CUBN: variants seen among roughly 807,000 people sequenced by gnomAD.
The protein encoded by CUBN is 460 kDa receptor.
Under a neutral mutation model 405.3 loss-of-function variants are expected in CUBN, and 282 were observed. The ratio of observed to expected loss-of-function variants is 0.70; its 90% CI spans 0.63 to 0.77. The LOEUF (loss-of-function observed/expected upper bound fraction) is 0.77, where lower values mean the gene tolerates loss of function less well. Ranked by LOEUF, CUBN falls within the 30% of genes least tolerant of loss-of-function variation. The pLI is 0.00. For missense variants in CUBN, 4,514 were observed against 4,475.2 expected (o/e 1.01, Z -0.25); for synonymous variants, 1,684 against 1,617.0 (o/e 1.04, Z -0.99).
intron 28 of CUBN, among the ~76,000 whole-genome samples, chr10:17,007,926 CA>C (rs954774522): frequency 2.6e-4 from 40 of 152,258 alleles, no homozygotes; most frequent in Admixed American, 2.4e-3. Context: ...GAGGCCGAAG[CA>C]AGCAAATTGC....
Position 17,047,533 on chromosome 10 carries a change from G to C in CUBN, c.3210C>G (p.Asn1070Lys), listed in dbSNP as rs760913040. The C allele has an allele frequency of 6.2e-7, 1 of 1,613,858 alleles. No individual in the cohort carries two copies. The highest frequency in any genetic ancestry group is 8.5e-7 in the Non-Finnish European group (1 of 1,179,776). The change falls in exon 23 of 67, where the codon AAC becomes AAG. Residue 1070 changes from asparagine to lysine, a missense_variant. Asn to Lys is a moderately conservative substitution (Grantham distance 94). This residue lies in a region of CUBN where 1,448 missense variants were observed against 1,388.0 expected (regional missense o/e 1.04). Transcript: ENST00000377833. Reference sequence around the variant, plus strand: ...TGATCCGATAAATGCATTCCCAGTTGTTGGGATAATTATTGGGGAAGTTTG... The same window carrying C: ...TGATCCGATAAATGCATTCCCAGTTCTTGGGATAATTATTGGGGAAGTTTG... The part of the protein sequence containing the change: ...TSPNFPNNYP[N>K]NWECIYRITV...
At chr10:17,016,043 C>T (rs1374356790) in intron 28 of CUBN, among the ~76,000 whole-genome samples, 2 of 152,150 alleles carry the variant, frequency 1.3e-5, no homozygotes, top group African/African-American at 4.8e-5. Flanking sequence ...ACCCAGGGCT[C>T]GCTTCTGGAG....
chr10:17,028,968 G>C (rs1428365601), intron 27 of CUBN, among the ~76,000 whole-genome samples: 1 of 152,194 alleles, frequency 6.6e-6, no homozygotes, highest in African/African-American at 2.4e-5. Context: ...GATAGTGGAA[G>C]AGACCTTTCG....
intron 27 of CUBN, among the ~76,000 whole-genome samples, chr10:17,024,190 G>C (rs896900192): frequency 6.6e-6 from 1 of 152,136 alleles, no homozygotes; most frequent in Non-Finnish European, 1.5e-5. Flanking sequence ...CATAACAAAG[G>C]GGAGGATATA....
Position 16,888,519 on chromosome 10 carries a change from T to TTGGAGAAATGATGTAACC in CUBN, c.8785_8802dup (p.Gly2929_Pro2934dup). ...TTGTTGTCATATTGTTTTGGGTAAT[T>TTGGAGAAATGATGTAACC]TGGAGAAATGATGTAACCTGAAGGG... On this transcript the variant is annotated inframe_insertion, in exon 56 of 67. Coordinates refer to ENST00000377833, the MANE Select transcript of CUBN (RefSeq NM_001081.4). 6.2e-7 allele frequency: 1 copy of TTGGAGAAATGATGTAACC among 1,613,588 alleles called. No individual in the cohort carries two copies. Among genetic ancestry groups the TTGGAGAAATGATGTAACC allele is most frequent in the Non-Finnish European group, 8.5e-7 (1 of 1,179,602 alleles).
In CUBN at chr10:17,100,064, T is replaced by G; in HGVS notation, c.1706A>C (p.Tyr569Ser). ...TCTCCCATTTCTTAAATGTTCAGAATAGAGATGAAAATAGAGAGCATTGTC... is the reference window on the plus strand; with the variant it reads ...TCTCCCATTTCTTAAATGTTCAGAAGAGAGATGAAAATAGAGAGCATTGTC... ...SSDNALYFHL[Y>S]SEHLRNGRGF... Residue 569 changes from tyrosine to serine, a missense_variant, in exon 14 of 67, where the codon TAT becomes TCT. Transcript: ENST00000377833. The G allele has an allele frequency of 6.2e-7, 1 of 1,613,988 alleles. No individual in the cohort carries two copies. Among genetic ancestry groups the G allele is most frequent in the Non-Finnish European group, 8.5e-7 (1 of 1,179,946 alleles).
At chr10:17,086,801 T>C (rs1836120298) in intron 15 of CUBN, among the ~76,000 whole-genome samples, 1 of 152,204 alleles carries the variant, frequency 6.6e-6, no homozygotes, top group Non-Finnish European at 1.5e-5. Context: ...AACTGGTTCT[T>C]TGAAATACTG....
chr10:16,847,307 C>A (rs1418325036), intron 60 of CUBN, among the ~76,000 whole-genome samples: 1 of 151,880 alleles, frequency 6.6e-6, no homozygotes, highest in African/African-American at 2.4e-5. Flanking sequence ...AAAAAATTAG[C>A]TGGGTGTGGT....
At chr10:16,933,425 G>A (rs539323752) in intron 39 of CUBN, 141 bp from the exon 40 acceptor site, 20 of 732,898 alleles carry the variant, frequency 2.7e-5, no homozygotes, top group Admixed American at 1.7e-4. Context: ...AATGAATATC[G>A]TATGTAACCC....
chr10:17,103,994 C>G (rs1185466603), intron 12 of CUBN, among the ~76,000 whole-genome samples: 1 of 152,080 alleles, frequency 6.6e-6, no homozygotes, highest in Admixed American at 6.5e-5. Flanking sequence ...TATAGAAGAT[C>G]ATTGAAAATT....
chr10:17,123,566 A>G, intron 5 of CUBN, 22 bp downstream of exon 5: 1 of 1,553,926 alleles, frequency 6.4e-7, no homozygotes, highest in Non-Finnish European at 8.9e-7. Context: ...CATCATTCTT[A>G]ACCAAAGAGT....
intron 14 of CUBN, among the ~76,000 whole-genome samples, chr10:17,092,350 G>C (rs1336111108): frequency 6.6e-6 from 1 of 152,062 alleles, no homozygotes; most frequent in Non-Finnish European, 1.5e-5. Context: ...AAAGGGAGTG[G>C]GGTAATAAAC....
At chr10:17,000,426 C>T (rs72773293) in intron 28 of CUBN, among the ~76,000 whole-genome samples, 1 of 152,286 alleles carries the variant, frequency 6.6e-6, no homozygotes, top group Non-Finnish European at 1.5e-5. Context: ...TAGCAATGCG[C>T]CCCTCCGCCC....
intron 17 of CUBN, among the ~76,000 whole-genome samples, chr10:17,074,968 T>C (rs1452738321): frequency 2.0e-5 from 3 of 151,720 alleles, no homozygotes; most frequent in South Asian, 2.1e-4. Flanking sequence ...CAGGGGATTA[T>C]GGAAAACTCA....
Position 16,846,526 on chromosome 10 carries a change from T to C in CUBN, c.9663+4709A>G, listed in dbSNP as rs556854749. ...GTGGGAAAGGAAGGATTACAAAATA[T>C]TGGCTATGAAAAGGGGCAGTGACAC... is the stretch of plus-strand genomic sequence containing the variant. On this transcript the variant is annotated intron_variant, in intron 60 of 66. Transcript: ENST00000377833. Among the ~76,000 whole-genome samples the C allele has an allele frequency of 4.6e-5, 7 of 152,210 alleles. No individual in the cohort carries two copies. In the East Asian group the frequency reaches 5.8e-4, roughly 13 times the overall value.
chr10:16,987,615 T>A (rs1833462234), intron 29 of CUBN, among the ~76,000 whole-genome samples: 1 of 152,170 alleles, frequency 6.6e-6, no homozygotes, highest in South Asian at 2.1e-4. Flanking sequence ...ACTTAGTGGC[T>A]GTAAGGCCCC....
chr10:16,927,227 G>C (rs1057103923), intron 41 of CUBN, among the ~76,000 whole-genome samples: 1 of 152,022 alleles, frequency 6.6e-6, no homozygotes, highest in African/African-American at 2.4e-5. Context: ...ATACATGAGA[G>C]TGAGAGGGCA....
chr10:16,987,161 A>T (rs1056660044), intron 29 of CUBN, among the ~76,000 whole-genome samples: 1 of 152,298 alleles, frequency 6.6e-6, no homozygotes, highest in Non-Finnish European at 1.5e-5. Flanking sequence ...CTCTCTAAAG[A>T]CTTTCTCAGA....
intron 27 of CUBN, among the ~76,000 whole-genome samples, chr10:17,020,208 C>A (rs1834453883): frequency 2.0e-5 from 3 of 152,076 alleles, no homozygotes; most frequent in Non-Finnish European, 1.5e-5. Context: ...AATTTGGAAA[C>A]CCAACTAGTA....
Sources: gnomAD v4.1 joint callset for allele counts (sites outside exome capture counted in the v4.1 genomes callset) on GRCh38, gnomAD v4.1.1 for gene constraint, gnomAD v4.1.1 regional missense constraint, MANE v1.5 for transcripts, NCBI Gene and HGNC (gene_info 2026-07-23, HGNC 2026-07-21) for gene names.